Variants in DLGAP3 observed in about 807,000 individuals in gnomAD.
DLGAP3 encodes DLG associated protein 3.
In DLGAP3, 17 loss-of-function variants were observed where a neutral mutation model predicts 81.2. The observed-to-expected ratio is 0.21, with a 90% confidence interval of 0.14 to 0.31. The LOEUF (loss-of-function observed/expected upper bound fraction) is 0.31, where lower values mean the gene tolerates loss of function less well. DLGAP3 is among the 10% of genes least tolerant of loss of function. The probability of loss-of-function intolerance (pLI) is 1.00; values close to 1 mark genes in which losing one functional copy is unlikely to be tolerated. For synonymous variants in DLGAP3, 577 were observed against 587.4 expected (o/e 0.98, Z 0.26); for missense variants, 1,124 against 1,388.0 (o/e 0.81, Z 3.02).
rs944654221 is a variant in DLGAP3 at position 34,902,416 on chromosome 1, A to G, written c.1107+1861T>C. On this transcript the variant is annotated intron_variant, in intron 3 of 11. Transcript: ENST00000373347. This position sits in a 1 kb window ranked among gnomAD's most constrained non-coding sequence, Gnocchi z 4.4. Reference sequence around the variant, plus strand: ...ATAAAGAAACAGGGGCTCAGAGTGGACAGAGGGATCCTGGAAAAGGCTTAA... The same window carrying G: ...ATAAAGAAACAGGGGCTCAGAGTGGGCAGAGGGATCCTGGAAAAGGCTTAA... Among the ~76,000 whole-genome samples the G allele has an allele frequency of 5.3e-5, 8 of 152,150 alleles. No homozygotes were observed. The highest frequency in any genetic ancestry group is 2.6e-4 in the Admixed American group (4 of 15,286).
At chr1:34,915,869 C>T (rs1639709457) in intron 1 of DLGAP3, among the ~76,000 whole-genome samples, 1 of 152,178 alleles carries the variant, frequency 6.6e-6, no homozygotes, top group Non-Finnish European at 1.5e-5. Flanking sequence ...AACCTTAAAC[C>T]CTCTGCTGCT....
intron 8 of DLGAP3, among the ~76,000 whole-genome samples, chr1:34,881,081 C>T (rs1178763765): frequency 6.6e-6 from 1 of 151,978 alleles, no homozygotes; most frequent in African/African-American, 2.4e-5. Flanking sequence ...GCTCTAATAC[C>T]TGAATTGAAA....
chr1:34,921,192 C>T (rs191303787), intron 1 of DLGAP3, among the ~76,000 whole-genome samples: 127 of 152,216 alleles, frequency 8.3e-4, no homozygotes, highest in African/African-American at 2.7e-3. Flanking sequence ...TTGCTCAGGA[C>T]GCACTACACT....
intron 1 of DLGAP3, among the ~76,000 whole-genome samples, chr1:34,925,715 C>A (rs947836257): frequency 6.6e-6 from 1 of 152,050 alleles, no homozygotes; most frequent in Non-Finnish European, 1.5e-5. Flanking sequence ...GGGGCAGGGG[C>A]TACCTGAGCT....
At chr1:34,890,072 A>T (rs1287307657) in intron 5 of DLGAP3, among the ~76,000 whole-genome samples, 1 of 152,232 alleles carries the variant, frequency 6.6e-6, no homozygotes, top group East Asian at 1.9e-4. Context: ...CCACAGGCTG[A>T]TGACAAGGAA....
In DLGAP3 at chr1:34,867,912, GAA is replaced by G. The variant is rs1187380326; in HGVS notation, c.2486-287_2486-286del. 1.3e-5 allele frequency among the ~76,000 whole-genome samples: 2 copies of G among 152,034 alleles called. No homozygotes were observed. Among genetic ancestry groups the G allele is most frequent in the Non-Finnish European group, 2.9e-5 (2 of 68,002 alleles). On this transcript the variant is annotated intron_variant, in intron 9 of 11. Transcript: ENST00000373347. This position sits in a 1 kb window ranked among gnomAD's most constrained non-coding sequence, Gnocchi z 4.3. ...TCCCTCCCGTATCAGAGAACAGACG[GAA>G]ACCAGCCCCAGCCTAGCCCTATAGC...
At chr1:34,894,175 A>G (rs902600018) in intron 5 of DLGAP3, among the ~76,000 whole-genome samples, 2 of 152,040 alleles carry the variant, frequency 1.3e-5, no homozygotes, top group African/African-American at 4.8e-5. Context: ...TGACAGAGCA[A>G]GACCCTTCCT....
chr1:34,901,996 C>T (rs1179362112), intron 3 of DLGAP3, among the ~76,000 whole-genome samples: 19 of 152,158 alleles, frequency 1.2e-4, no homozygotes, highest in Admixed American at 1.2e-3. Flanking sequence ...GAAGAAGGAT[C>T]GGCCTGGGAT....
At chr1:34,888,066 T>A (rs1442997377) in intron 5 of DLGAP3, among the ~76,000 whole-genome samples, 1 of 151,160 alleles carries the variant, frequency 6.6e-6, no homozygotes, top group Non-Finnish European at 1.5e-5. Flanking sequence ...ATGGATAAGG[T>A]CCTCGACAGC....
In DLGAP3 at chr1:34,895,917, T is replaced by TACACAC. The variant is rs34456104; in HGVS notation, c.1386+3746_1386+3751dup. Among the ~76,000 whole-genome samples, 2,088 of 144,558 alleles carry TACACAC rather than the reference T, an allele frequency of 0.014. 19 individuals are homozygous for TACACAC. The highest frequency in any genetic ancestry group is 0.018 in the Non-Finnish European group (1,183 of 65,862). The allele number at this position is 144,558 out of a possible 152,430, so 94.8% of individuals were successfully genotyped here. On this transcript the variant is annotated intron_variant, in intron 5 of 11. Coordinates refer to ENST00000373347, the MANE Select transcript of DLGAP3 (RefSeq NM_001080418.3). The surrounding 1 kb of genome is among the most constrained non-coding windows in gnomAD (Gnocchi z 4.5). The stretch of plus-strand genomic sequence containing the variant: ...CTGGACCCCTAACTTGAATCACACA[T>TACACAC]ACACACACACACACACACACACACA...
Position 34,867,280 on chromosome 1 carries a change from G to T in DLGAP3, c.2578-89C>A. ...AGAGAAAGTCCTATCCACCCTTACT[G>T]CCAGGAAGCTCAGCCTGGGAGAGTG... On this transcript the variant is annotated intron_variant, in intron 10 of 11. Transcript: ENST00000373347. This position sits in a 1 kb window ranked among gnomAD's most constrained non-coding sequence, Gnocchi z 4.3. 2 of 1,575,966 alleles carry T rather than the reference G, an allele frequency of 1.3e-6. No individual in the cohort carries two copies. Among genetic ancestry groups the T allele is most frequent in the Non-Finnish European group, 1.7e-6 (2 of 1,148,568 alleles).
chr1:34,908,557 G>A (rs2148414550), intron 1 of DLGAP3, among the ~76,000 whole-genome samples: 1 of 152,302 alleles, frequency 6.6e-6, no homozygotes, highest in South Asian at 2.1e-4. Flanking sequence ...GAAGTTTGCA[G>A]CAGCCGTGAC....
chr1:34,899,788 G>A (rs369778911), intron 4 of DLGAP3, 47 bp from the exon 5 acceptor site: 2 of 1,563,856 alleles, frequency 1.3e-6, no homozygotes, highest in Non-Finnish European at 8.8e-7. Flanking sequence ...ACTGCTAGGA[G>A]GTGGGGGAGG....
At chr1:34,901,511 A>G (rs1639459699) in intron 3 of DLGAP3, among the ~76,000 whole-genome samples, 1 of 152,198 alleles carries the variant, frequency 6.6e-6, no homozygotes, top group African/African-American at 2.4e-5. Context: ...CTTAAGCAAA[A>G]CAGATTAACC....
chr1:34,869,201 G>A (rs991387597), intron 8 of DLGAP3, 112 bp from the exon 9 acceptor site: 58 of 749,240 alleles, frequency 7.7e-5, no homozygotes, highest in Non-Finnish European at 1.1e-4. Context: ...CAAAGTGATG[G>A]ACATTAACCT....
chr1:34,901,556 A>T (rs1639460584), intron 3 of DLGAP3, among the ~76,000 whole-genome samples: 1 of 152,264 alleles, frequency 6.6e-6, no homozygotes, highest in East Asian at 1.9e-4. Flanking sequence ...CGAGTTGGTC[A>T]TGATACTTAT....
Position 34,866,321 on chromosome 1 carries a change from G to T in DLGAP3, c.2722-20C>A, listed in dbSNP as rs1229163991. ...CTCCTCCTGCGGGGCAGAGGGCGTC[G>T]CTGAGCTGGGGCGCCGAACCATCCC... On this transcript the variant is annotated intron_variant, in intron 11 of 11. Coordinates refer to ENST00000373347, the MANE Select transcript of DLGAP3 (RefSeq NM_001080418.3). 5.3e-6 allele frequency: 8 copies of T among 1,496,526 alleles called. No individual in the cohort carries two copies. The highest frequency in any genetic ancestry group is 7.1e-6 in the Non-Finnish European group (8 of 1,120,856). 92.7% of individuals were successfully genotyped at this position (1,496,526 alleles called of 1,614,324 possible). A position where few individuals can be genotyped will look rare whatever the true frequency, so the allele number is the denominator to read the frequency against.
In DLGAP3 at chr1:34,905,129, A is replaced by AC. The variant is rs762874947; in HGVS notation, c.254dup (p.Ser86Ter). ...GGTACATCCTGGGGAAGGTGCTGCT[A>AC]CCCCCCCCAACCCCGGCCCCCGCTG... On this transcript the variant is annotated frameshift_variant, in exon 3 of 12. Transcript: ENST00000373347. LOFTEE classifies it high-confidence loss of function. The AC allele has an allele frequency of 7.2e-5, 113 of 1,559,274 alleles. No homozygotes were observed. Among genetic ancestry groups the AC allele is most frequent in the Admixed American group, 1.1e-4 (6 of 52,762 alleles).
chr1:34,874,079 G>A (rs937427158), intron 8 of DLGAP3, among the ~76,000 whole-genome samples: 1 of 152,200 alleles, frequency 6.6e-6, no homozygotes, highest in Non-Finnish European at 1.5e-5. Context: ...AAAGGAGGGG[G>A]TATGCCCTTC....
Sources: gnomAD v4.1 joint callset for allele counts (sites outside exome capture counted in the v4.1 genomes callset) on GRCh38, gnomAD v4.1.1 for gene constraint, Gnocchi (gnomAD v3.1) non-coding constraint, MANE v1.5 for transcripts, NCBI Gene and HGNC (gene_info 2026-07-23, HGNC 2026-07-21) for gene names.